Variants in PITPNM2 observed in about 807,000 individuals in gnomAD.
PITPNM2 encodes phosphatidylinositol transfer protein membrane associated 2, also known as membrane-associated phosphatidylinositol transfer protein 2.
In PITPNM2, 35 loss-of-function variants were observed where a neutral mutation model predicts 132.2. The observed-to-expected ratio is 0.26, with a 90% CI of 0.20 to 0.35. The LOEUF (loss-of-function observed/expected upper bound fraction) is 0.35. Among genes scored for constraint, PITPNM2 ranks in the 10% least tolerant of loss-of-function variants. PITPNM2 has a pLI of 1.00. For missense variants in PITPNM2, 1,332 were observed against 1,912.0 expected (o/e 0.70, Z 5.66); for synonymous variants, 738 against 799.2 (o/e 0.92, Z 1.29).
At chr12:123,128,581 G>A (rs186581411) in intron 1 of PITPNM2, among the ~76,000 whole-genome samples, 104 of 150,808 alleles carry the variant, frequency 6.9e-4, no homozygotes, top group Admixed American at 6.7e-3. Flanking sequence ...TTGAAACCCC[G>A]CCTCTACTAA....
Position 123,097,160 on chromosome 12 carries a change from A to G in PITPNM2, c.-96+13225T>C, listed in dbSNP as rs1038807257. ...TGGGTTCAAGTGATTCTCCTGCCTCAGCCTCCTGAGTAGCTGGGATTACAG... is the reference window on the plus strand; with the variant it reads ...TGGGTTCAAGTGATTCTCCTGCCTCGGCCTCCTGAGTAGCTGGGATTACAG... On this transcript the variant is annotated intron_variant, in intron 2 of 25. Transcript: ENST00000320201. The surrounding 1 kb of genome is among the most constrained non-coding windows in gnomAD (Gnocchi z 4.7). Among the ~76,000 whole-genome samples, 3 of 152,012 alleles carry G rather than the reference A, an allele frequency of 2.0e-5. No homozygotes were observed. Among genetic ancestry groups the G allele is most frequent in the Non-Finnish European group, 4.4e-5 (3 of 68,000 alleles).
In PITPNM2 at chr12:122,986,554, C is replaced by T. The variant is rs766798559; in HGVS notation, c.3608G>A (p.Arg1203His). The change falls in exon 25 of 26, where the codon CGC becomes CAC. Residue 1203 changes from arginine to histidine, a missense_variant. Coordinates refer to ENST00000320201, the MANE Select transcript of PITPNM2 (RefSeq NM_020845.3). ...GGTGGAGCCATAGGCCGCGTGCACGCGCAGGTGCAGCTGTGGGGAGACTGG... is the reference window on the plus strand; with the variant it reads ...GGTGGAGCCATAGGCCGCGTGCACGTGCAGGTGCAGCTGTGGGGAGACTGG... ...LKLLISELHL[R>H]VHAAYGSTKD... The T allele has an allele frequency of 2.0e-5, 32 of 1,597,494 alleles. No homozygotes were observed. The highest frequency in any genetic ancestry group is 5.1e-5 in the Admixed American group (3 of 59,144).
At chr12:123,071,235 T>C (rs573901457) in intron 2 of PITPNM2, among the ~76,000 whole-genome samples, 48 of 152,276 alleles carry the variant, frequency 3.2e-4, no homozygotes, top group African/African-American at 1.1e-3. Flanking sequence ...TGCCAGCTGG[T>C]GTCTCAAGCA....
chr12:123,101,980 C>A (rs562904845), intron 2 of PITPNM2, among the ~76,000 whole-genome samples: 14 of 152,336 alleles, frequency 9.2e-5, no homozygotes, highest in African/African-American at 3.4e-4. Flanking sequence ...TACCACCGTA[C>A]TCCAGCCTGG....
intron 3 of PITPNM2, among the ~76,000 whole-genome samples, chr12:123,016,794 C>G (rs958858163): frequency 1.3e-5 from 2 of 152,152 alleles, no homozygotes; most frequent in African/African-American, 4.8e-5. Context: ...GCCTGTAAGC[C>G]TAGCACTTTG....
intron 1 of PITPNM2, among the ~76,000 whole-genome samples, chr12:123,148,759 C>T (rs1333675098): frequency 6.6e-6 from 1 of 152,108 alleles, no homozygotes; most frequent in African/African-American, 2.4e-5. Flanking sequence ...CAGCACTAAC[C>T]GCCCAGGAGC....
chr12:123,119,593 C>T (rs1309626540), intron 1 of PITPNM2, among the ~76,000 whole-genome samples: 3 of 151,814 alleles, frequency 2.0e-5, no homozygotes, highest in Non-Finnish European at 4.4e-5. Flanking sequence ...CTCCTGACCT[C>T]GTGATCCGCC....
Position 122,993,739 on chromosome 12 carries a change from G to A in PITPNM2, c.2233+1062C>T, listed in dbSNP as rs1206720578. ...CAGAGCCTGCAGTGGCTGGGGCACA[G>A]GGATGCCCTCCATGGGGCTGCCTTG... On this transcript the variant is annotated intron_variant, in intron 15 of 25. Coordinates refer to ENST00000320201, the MANE Select transcript of PITPNM2 (RefSeq NM_020845.3). This position sits in a 1 kb window ranked among gnomAD's most constrained non-coding sequence, Gnocchi z 5.2. Among the ~76,000 whole-genome samples, 3 of 152,258 alleles carry A rather than the reference G, an allele frequency of 2.0e-5. No individual in the cohort carries two copies. Among genetic ancestry groups the A allele is most frequent in the African/African-American group, 7.2e-5 (3 of 41,466 alleles).
rs940654980 is a variant in PITPNM2, at chr12:123,082,349, G to A, written c.-96+28036C>T. 6.6e-6 allele frequency among the ~76,000 whole-genome samples: 1 copy of A among 152,118 alleles called. No individual in the cohort carries two copies. Among genetic ancestry groups the A allele is most frequent in the Non-Finnish European group, 1.5e-5 (1 of 68,020 alleles). Reference sequence around the variant, plus strand: ...GACCCTTTCTAATTTTCTTCAGAGCGTTGATCGTTATCTAGTACCCGACTT... The same window carrying A: ...GACCCTTTCTAATTTTCTTCAGAGCATTGATCGTTATCTAGTACCCGACTT... On this transcript the variant is annotated intron_variant, in intron 2 of 25. Coordinates refer to ENST00000320201, the MANE Select transcript of PITPNM2 (RefSeq NM_020845.3). This position sits in a 1 kb window ranked among gnomAD's most constrained non-coding sequence, Gnocchi z 5.4.
intron 3 of PITPNM2, 144 bp downstream of exon 3, chr12:123,034,369 G>T: frequency 1.3e-6 from 1 of 741,670 alleles, no homozygotes; most frequent in Non-Finnish European, 2.2e-6. Flanking sequence ...GAGGCCAGGG[G>T]TCCAGCACAA....
chr12:123,035,006 A>G (rs1200766703), intron 2 of PITPNM2, among the ~76,000 whole-genome samples: 1 of 152,226 alleles, frequency 6.6e-6, no homozygotes, highest in African/African-American at 2.4e-5. Flanking sequence ...TCACAATCCT[A>G]ACAAGGTACA....
chr12:123,000,677 A>G lies in PITPNM2; in HGVS notation c.1224+101T>C. Reference sequence around the variant, plus strand: ...AGGCAGGCGTGGAGGTGAGGCTGCCAGGCCCAGAGTTCCACCTCTGTAACC... The same window carrying G: ...AGGCAGGCGTGGAGGTGAGGCTGCCGGGCCCAGAGTTCCACCTCTGTAACC... On this transcript the variant is annotated intron_variant, in intron 10 of 25. Coordinates refer to ENST00000320201, the MANE Select transcript of PITPNM2 (RefSeq NM_020845.3). The surrounding 1 kb of genome is among the most constrained non-coding windows in gnomAD (Gnocchi z 5.4). The G allele has an allele frequency of 7.6e-7, 1 of 1,315,620 alleles. No individual in the cohort carries two copies. The highest frequency in any genetic ancestry group is 2.0e-5 in the Admixed American group (1 of 49,964). The allele number at this position is 1,315,620 out of a possible 1,614,324, so 81.5% of individuals were successfully genotyped here. A position where few individuals can be genotyped will look rare whatever the true frequency, so the allele number is the denominator to read the frequency against.
At position 123,005,163 on chromosome 12, in the gene PITPNM2, C is replaced by A; in HGVS notation, c.952+77G>T. The A allele has an allele frequency of 6.7e-7, 1 of 1,488,286 alleles. No individual in the cohort carries two copies. The highest frequency in any genetic ancestry group is 9.1e-7 in the Non-Finnish European group (1 of 1,094,488). The allele number at this position is 1,488,286 out of a possible 1,614,324, so 92.2% of individuals were successfully genotyped here. A position where few individuals can be genotyped will look rare whatever the true frequency, so the allele number is the denominator to read the frequency against. On this transcript the variant is annotated intron_variant, in intron 7 of 25. Transcript: ENST00000320201. The surrounding 1 kb of genome is among the most constrained non-coding windows in gnomAD (Gnocchi z 6.2). ...CATGGGAAAGAACTCTGAGGAGGTG[C>A]AGTGATCCAGCAGTGTGTGGGGCTG...
chr12:123,099,126 T>C lies in PITPNM2; in HGVS notation c.-96+11259A>G, dbSNP rs1338575261. Among the ~76,000 whole-genome samples the C allele has an allele frequency of 6.6e-6, 1 of 152,110 alleles. No homozygotes were observed. Among genetic ancestry groups the C allele is most frequent in the African/African-American group, 2.4e-5 (1 of 41,414 alleles). The stretch of plus-strand genomic sequence containing the variant: ...CTATACCCCCATCCCAGGGGCTGAG[T>C]TCCCCTTCCTCACTGGATCTCTGAT... On this transcript the variant is annotated intron_variant, in intron 2 of 25. Coordinates refer to ENST00000320201, the MANE Select transcript of PITPNM2 (RefSeq NM_020845.3). The surrounding 1 kb of genome is among the most constrained non-coding windows in gnomAD (Gnocchi z 4.2).
intron 2 of PITPNM2, among the ~76,000 whole-genome samples, chr12:123,072,921 G>T (rs917656686): frequency 6.6e-6 from 1 of 152,212 alleles, no homozygotes; most frequent in African/African-American, 2.4e-5. Context: ...AGAATCCGGA[G>T]CCCCAACAGG....
rs139205213 is a variant in PITPNM2, at chr12:123,079,350, C to CTTTTTTTTTTTTTTTTTTTTT, written c.-96+31014_-96+31034dup. On this transcript the variant is annotated intron_variant, in intron 2 of 25. Coordinates refer to ENST00000320201, the MANE Select transcript of PITPNM2 (RefSeq NM_020845.3). ...TTCACTTCTTTTTCTTTTTTCTTTT[C>CTTTTTTTTTTTTTTTTTTTTT]TTTTTTTTTTTTTTTTTTTTTTTTT... Among the ~76,000 whole-genome samples, 158 of 53,830 alleles carry CTTTTTTTTTTTTTTTTTTTTT rather than the reference C, an allele frequency of 2.9e-3. 1 individual carries two copies. Among genetic ancestry groups the CTTTTTTTTTTTTTTTTTTTTT allele is most frequent in the East Asian group, 3.9e-3 (5 of 1,272 alleles). The allele number at this position is 53,830 out of a possible 152,430, so 35.3% of individuals were successfully genotyped here.
In PITPNM2 at chr12:123,000,889, C is replaced by T; in HGVS notation, c.1154-41G>A. The T allele has an allele frequency of 6.2e-7, 1 of 1,610,692 alleles. No individual in the cohort carries two copies. Among genetic ancestry groups the T allele is most frequent in the Non-Finnish European group, 8.5e-7 (1 of 1,177,224 alleles). On this transcript the variant is annotated intron_variant, in intron 9 of 25. Coordinates refer to ENST00000320201, the MANE Select transcript of PITPNM2 (RefSeq NM_020845.3). The surrounding 1 kb of genome is among the most constrained non-coding windows in gnomAD (Gnocchi z 5.4). The stretch of plus-strand genomic sequence containing the variant: ...AGCCGTGCTGTGAGCTGAGGGGCAG[C>T]CCAACCTGGCCGACCGGACAGAGGC...
At chr12:123,024,403 C>T (rs1349805280) in intron 3 of PITPNM2, among the ~76,000 whole-genome samples, 4 of 152,106 alleles carry the variant, frequency 2.6e-5, no homozygotes, top group African/African-American at 9.7e-5. Flanking sequence ...ACCATATGAC[C>T]CAGCAATTCC....
At chr12:122,996,996 G>T (rs2038457862) in intron 11 of PITPNM2, 86 bp from the exon 12 acceptor site, 3 of 1,284,436 alleles carry the variant, frequency 2.3e-6, no homozygotes, top group Non-Finnish European at 3.2e-6. Context: ...TCTCAGCCAT[G>T]GACTCAGCAT....
Sources: allele counts gnomAD v4.1 joint callset (sites outside exome capture counted in the v4.1 genomes callset), GRCh38; gene constraint gnomAD v4.1.1; non-coding constraint Gnocchi (gnomAD v3.1); transcripts MANE v1.5; gene names NCBI Gene and HGNC (gene_info 2026-07-23, HGNC 2026-07-21).